The following PIR variants were observed in gnomAD, a reference collection of about 807,000 sequenced individuals.
PIR encodes pirin.
A neutral mutation model predicts 24.2 loss-of-function variants in PIR; 22 were observed. That is an observed-to-expected ratio of 0.91 (90% CI 0.65 to 1.30). The LOEUF is 1.30. Ranked by LOEUF, PIR falls within the 50% of genes most tolerant of loss-of-function variation. PIR has a pLI of 0.00. For synonymous variants in PIR, 80 were observed against 79.6 expected, an observed-to-expected ratio of 1.00 and a Z score of -0.03; for missense variants, 220 against 220.3, an observed-to-expected ratio of 1.00 and a Z score of 0.01.
At chrX:15,492,033 C>G (rs1923192950) in intron 1 of PIR, among the ~76,000 whole-genome samples, 1 of 109,413 alleles carries the variant, frequency 9.1e-6, no homozygotes, top group Admixed American at 9.6e-5. Flanking sequence ...TCTCCCACCC[C>G]TTCCCCAGTG....
intron 7 of PIR, among the ~76,000 whole-genome samples, chrX:15,405,957 C>T (rs747363909): frequency 8.9e-6 from 1 of 112,796 alleles, no homozygotes; most frequent in Non-Finnish European, 1.9e-5. Flanking sequence ...AATTGAACAT[C>T]CTTTTTGGAG....
chrX:15,397,421 G>C (rs1292193610), intron 8 of PIR, 28 bp downstream of exon 8: 5 of 1,036,095 alleles, frequency 4.8e-6, no homozygotes, highest in Admixed American at 2.2e-5. Flanking sequence ...TACATGTTAA[G>C]AAAGTTAAAG....
chrX:15,477,498 T>C (rs1051534050), intron 3 of PIR, among the ~76,000 whole-genome samples: 6 of 111,983 alleles, frequency 5.4e-5, no homozygotes, highest in Admixed American at 9.5e-5. Flanking sequence ...ATATTGTTGA[T>C]TAATTAACAT....
intron 5 of PIR, among the ~76,000 whole-genome samples, chrX:15,446,973 A>G (rs755205946): frequency 5.7e-4 from 64 of 112,492 alleles, no homozygotes; most frequent in African/African-American, 2.0e-3. Context: ...AATCGTTACT[A>G]TCAATGATTT....
At chrX:15,445,543 AAAAAT>A (rs765993039) in intron 5 of PIR, among the ~76,000 whole-genome samples, 1 of 112,290 alleles carries the variant, frequency 8.9e-6, no homozygotes, top group African/African-American at 3.2e-5. Flanking sequence ...ATAATAATTA[AAAAAT>A]AAAACAAAGA....
At chrX:15,445,089 G>C (rs1926044597) in intron 5 of PIR, among the ~76,000 whole-genome samples, 1 of 110,909 alleles carries the variant, frequency 9.0e-6, no homozygotes, top group Admixed American at 9.6e-5. Context: ...AATAACACGT[G>C]GGGGTGGGAG....
At chrX:15,415,515 C>G (rs73449364) in intron 6 of PIR, among the ~76,000 whole-genome samples, 4,405 of 111,291 alleles carry the variant, frequency 0.04, 216 homozygotes, top group African/African-American at 0.13. Flanking sequence ...TCAAAGGATA[C>G]AAAATTTCAG....
chrX:15,441,897 TAA>T (rs1925927907), intron 5 of PIR, among the ~76,000 whole-genome samples: 1 of 111,247 alleles, frequency 9.0e-6, no homozygotes, highest in African/African-American at 3.3e-5. Flanking sequence ...GTCTCAGATA[TAA>T]GTCGTGTGCT....
At chrX:15,400,815 C>T (rs1602245802) in intron 7 of PIR, among the ~76,000 whole-genome samples, 1 of 108,166 alleles carries the variant, frequency 9.2e-6, no homozygotes, top group African/African-American at 3.4e-5. Flanking sequence ...GGCGCAATCT[C>T]AGCTCACTGC....
intron 2 of PIR, among the ~76,000 whole-genome samples, chrX:15,488,301 GAAAA>G (rs1922969260): frequency 2.4e-5 from 2 of 84,544 alleles, no homozygotes; most frequent in African/African-American, 9.2e-5. Flanking sequence ...AAAAAAAAAA[GAAAA>G]GAAAGAAAAA....
At chrX:15,478,238 C>A (rs1182739731) in intron 3 of PIR, among the ~76,000 whole-genome samples, 2 of 111,212 alleles carry the variant, frequency 1.8e-5, no homozygotes, top group Non-Finnish European at 3.8e-5. Flanking sequence ...AATTCTAATG[C>A]AAGACAGATA....
At chrX:15,398,661 GGA>G (rs1356318948) in intron 7 of PIR, among the ~76,000 whole-genome samples, 1 of 82,846 alleles carries the variant, frequency 1.2e-5, no homozygotes, top group Non-Finnish European at 2.3e-5. Flanking sequence ...CAGCCCTTGA[GGA>G]GGGAGGGTGT....
In PIR at chrX:15,480,746, G is replaced by A. The variant is rs758099491; in HGVS notation, c.97-925C>T. Among the ~76,000 whole-genome samples, 42 of 112,153 alleles carry A rather than the reference G, an allele frequency of 3.7e-4. No individual in the cohort carries two copies. The South Asian group carries it at 0.014, about 36-fold the overall frequency. Reference sequence around the variant, plus strand: ...AGCTTGGCATGCTTGAAGAACTAAGGGATACTAATCTGTTGGGGCAAAAGA... The same window carrying A: ...AGCTTGGCATGCTTGAAGAACTAAGAGATACTAATCTGTTGGGGCAAAAGA... On this transcript the variant is annotated intron_variant, in intron 2 of 9. Transcript: ENST00000380420.
chrX:15,458,785 G>T (rs962554522), intron 4 of PIR, among the ~76,000 whole-genome samples: 3 of 112,669 alleles, frequency 2.7e-5, no homozygotes, highest in Non-Finnish European at 5.6e-5. Flanking sequence ...CACACATATG[G>T]CTGCTAGGCA....
intron 2 of PIR, among the ~76,000 whole-genome samples, chrX:15,481,965 A>G (rs904847133): frequency 2.7e-5 from 3 of 111,640 alleles, no homozygotes; most frequent in African/African-American, 9.8e-5. Context: ...TTATGTTCTC[A>G]TAGCCAAGGT....
chrX:15,427,216 T>A (rs1307344425), intron 5 of PIR, among the ~76,000 whole-genome samples: 1 of 111,053 alleles, frequency 9.0e-6, no homozygotes, highest in Non-Finnish European at 1.9e-5. Context: ...CTTGGGAAGG[T>A]TAGCAAGTAG....
chrX:15,444,641 A>G (rs778111486), intron 5 of PIR, among the ~76,000 whole-genome samples: 289 of 111,848 alleles, frequency 2.6e-3, no homozygotes, highest in African/African-American at 8.0e-3. Flanking sequence ...TAAAACCTAC[A>G]AAAACACTTA....
At chrX:15,409,727 T>G (rs1476955823) in intron 6 of PIR, among the ~76,000 whole-genome samples, 1 of 111,684 alleles carries the variant, frequency 9.0e-6, no homozygotes, top group Non-Finnish European at 1.9e-5. Flanking sequence ...TTTCAAAAGT[T>G]TCGCCACAAT....
intron 4 of PIR, among the ~76,000 whole-genome samples, chrX:15,456,334 G>A (rs938289131): frequency 1.5e-4 from 17 of 112,148 alleles, no homozygotes; most frequent in African/African-American, 5.5e-4. Flanking sequence ...CTTAGATTAA[G>A]CTCTAAGATG....
Sources: gnomAD v4.1 joint callset for allele counts (sites outside exome capture counted in the v4.1 genomes callset) on GRCh38, gnomAD v4.1.1 for gene constraint, MANE v1.5 for transcripts, NCBI Gene and HGNC (gene_info 2026-07-23, HGNC 2026-07-21) for gene names.